Variants in EPB41 observed in about 807,000 individuals in gnomAD.
EPB41 encodes the protein erythrocyte membrane protein band 4.1.
EPB41 carries 65 observed loss-of-function variants against 108.0 expected under a neutral mutation model. The observed-to-expected ratio is 0.60, with a 90% CI of 0.49 to 0.74. The LOEUF (loss-of-function observed/expected upper bound fraction) is 0.74. EPB41 is among the 30% of genes least tolerant of loss of function. EPB41 has a pLI of 0.00. For missense variants in EPB41, 875 were observed against 1,037.0 expected (o/e 0.84, Z 2.15); for synonymous variants, 336 against 358.9 (o/e 0.94, Z 0.72).
intron 10 of EPB41, among the ~76,000 whole-genome samples, chr1:29,036,620 A>G (rs1211926594): frequency 6.6e-6 from 1 of 150,550 alleles, no homozygotes; most frequent in African/African-American, 2.4e-5. Flanking sequence ...TCTCTAAGCA[A>G]TGCTTGACTA....
At chr1:28,935,765 A>G (rs929163270) in intron 1 of EPB41, among the ~76,000 whole-genome samples, 1 of 151,886 alleles carries the variant, frequency 6.6e-6, no homozygotes, top group Middle Eastern at 3.4e-3. Flanking sequence ...CTAAAAATAC[A>G]AAAATTAGCT....
At chr1:28,961,034 CAA>C (rs1272961367) in intron 1 of EPB41, among the ~76,000 whole-genome samples, 16 of 51,164 alleles carry the variant, frequency 3.1e-4, no homozygotes, top group Admixed American at 1.1e-3. Context: ...AACCCTGTCT[CAA>C]AAAAAAAAAA....
chr1:28,894,427 T>C (rs1056954296), intron 1 of EPB41, among the ~76,000 whole-genome samples: 1 of 152,286 alleles, frequency 6.6e-6, no homozygotes, highest in East Asian at 1.9e-4. Flanking sequence ...CCCTATTTGC[T>C]CAATAGACTG....
intron 1 of EPB41, among the ~76,000 whole-genome samples, chr1:28,934,471 T>C (rs1357629834): frequency 6.6e-6 from 1 of 152,206 alleles, no homozygotes; most frequent in African/African-American, 2.4e-5. Context: ...ACACAAATTA[T>C]TTGTAATTCT....
intron 1 of EPB41, among the ~76,000 whole-genome samples, chr1:28,904,066 C>T (rs1027966356): frequency 6.6e-6 from 1 of 151,456 alleles, no homozygotes; most frequent in African/African-American, 2.4e-5. Context: ...AGGGTTTCAC[C>T]ATCTTGGCCA....
In EPB41 at chr1:29,097,935, G is replaced by A; in HGVS notation, c.2313G>A (p.Gln771=). The A allele has an allele frequency of 1.2e-6, 2 of 1,613,940 alleles. No homozygotes were observed. Among genetic ancestry groups the A allele is most frequent in the Non-Finnish European group, 1.7e-6 (2 of 1,179,870 alleles). The part of the protein sequence containing the change: ...ETKTITYEAA[Q]TDDNSGDLDP... ...AGACCATCACTTATGAGGCTGCCCAGGTAGGACATGTTTTGATGCTTCAGA... is the reference window on the plus strand; with the variant it reads ...AGACCATCACTTATGAGGCTGCCCAAGTAGGACATGTTTTGATGCTTCAGA... The change falls in exon 17 of 21, where the codon CAG becomes CAA. Residue 771 remains glutamine (Q), a splice_region_variant and synonymous_variant. Transcript: ENST00000343067.
At chr1:29,002,346 G>A (rs1277226030) in intron 4 of EPB41, among the ~76,000 whole-genome samples, 1 of 151,886 alleles carries the variant, frequency 6.6e-6, no homozygotes, top group Non-Finnish European at 1.5e-5. Context: ...CAGCTACTCG[G>A]TAGGTTGAGG....
At chr1:29,021,125 A>G (rs1191336095) in intron 7 of EPB41, among the ~76,000 whole-genome samples, 2 of 152,238 alleles carry the variant, frequency 1.3e-5, no homozygotes, top group African/African-American at 4.8e-5. Context: ...TATGTAAAAC[A>G]TCACGTTTAA....
intron 1 of EPB41, among the ~76,000 whole-genome samples, chr1:28,921,753 TA>T (rs1236730065): frequency 2.0e-5 from 3 of 151,786 alleles, no homozygotes; most frequent in African/African-American, 7.3e-5. Context: ...CATGTGTCTT[TA>T]GAGTAATTTC....
chr1:28,950,081 C>T lies in EPB41; in HGVS notation c.-8+35313C>T, dbSNP rs527583897. Among the ~76,000 whole-genome samples, 4 of 152,170 alleles carry T rather than the reference C, an allele frequency of 2.6e-5. No individual in the cohort carries two copies. In the South Asian group the frequency reaches 8.3e-4, roughly 32 times the overall value. The stretch of plus-strand genomic sequence containing the variant: ...CATGTACCTGTCTTCTTGTCTATGC[C>T]TGTGATGTCTCCTTGTACATGTGTG... On this transcript the variant is annotated intron_variant, in intron 1 of 20. Coordinates refer to ENST00000343067, the MANE Select transcript of EPB41 (RefSeq NM_001376013.1).
At chr1:29,047,992 C>G (rs1015460170) in intron 11 of EPB41, among the ~76,000 whole-genome samples, 1 of 151,442 alleles carries the variant, frequency 6.6e-6, no homozygotes, top group Non-Finnish European at 1.5e-5. Flanking sequence ...CCATGTTGGT[C>G]AGGCTGGTCT....
chr1:29,006,207 G>A (rs1264954173), intron 4 of EPB41, among the ~76,000 whole-genome samples: 2 of 150,806 alleles, frequency 1.3e-5, no homozygotes, highest in South Asian at 2.1e-4. Flanking sequence ...CAAGAAAGGT[G>A]TAAATCGTAC....
chr1:28,975,103 T>G (rs1371494422), intron 1 of EPB41, among the ~76,000 whole-genome samples: 1 of 152,104 alleles, frequency 6.6e-6, no homozygotes, highest in Admixed American at 6.5e-5. Context: ...AATTTTTTTT[T>G]GTATTTTTAG....
chr1:28,912,891 A>C (rs560754504), upstream of EPB41, among the ~76,000 whole-genome samples: 20 of 152,186 alleles, frequency 1.3e-4, 1 homozygote, highest in South Asian at 3.5e-3. Flanking sequence ...TTCTGGGATT[A>C]CAGGCATGAG....
chr1:29,112,728 C>T (rs1043790697), intron 19 of EPB41, among the ~76,000 whole-genome samples: 5 of 152,114 alleles, frequency 3.3e-5, no homozygotes, highest in African/African-American at 1.2e-4. Flanking sequence ...CTCTCTGGGC[C>T]TCCATTTTGC....
At chr1:29,022,550 G>A (rs941578701) in intron 7 of EPB41, among the ~76,000 whole-genome samples, 21 of 151,942 alleles carry the variant, frequency 1.4e-4, no homozygotes, top group Admixed American at 1.2e-3. Context: ...GTGAAACCCT[G>A]TCTCTACTAA....
intron 11 of EPB41, among the ~76,000 whole-genome samples, chr1:29,052,027 G>A (rs986882058): frequency 6.6e-6 from 1 of 152,084 alleles, no homozygotes; most frequent in African/African-American, 2.4e-5. Context: ...AAGTGTAAAT[G>A]TTTTATATCC....
At chr1:29,090,263 T>C (rs1660713624) in intron 16 of EPB41, among the ~76,000 whole-genome samples, 1 of 152,092 alleles carries the variant, frequency 6.6e-6, no homozygotes, top group African/African-American at 2.4e-5. Flanking sequence ...ACAAAGGTAG[T>C]AAATGTGGGA....
intron 1 of EPB41, among the ~76,000 whole-genome samples, chr1:28,963,058 G>A (rs1034223031): frequency 2.6e-5 from 4 of 152,096 alleles, no homozygotes; most frequent in African/African-American, 9.7e-5. Flanking sequence ...GTGAGTGACA[G>A]TAGTCTTAAT....
Sources: gnomAD v4.1 joint callset for allele counts (sites outside exome capture counted in the v4.1 genomes callset) on GRCh38, gnomAD v4.1.1 for gene constraint, MANE v1.5 for transcripts, NCBI Gene and HGNC (gene_info 2026-07-23, HGNC 2026-07-21) for gene names.